Variants in CLRN2 observed in about 807,000 individuals in gnomAD.
The protein encoded by CLRN2 is clarin-2.
CLRN2 carries 17 observed loss-of-function variants against 20.1 expected under a neutral mutation model. The observed-to-expected ratio is 0.85, with a 90% CI of 0.58 to 1.27. The LOEUF (loss-of-function observed/expected upper bound fraction) is 1.27. Among genes scored for constraint, CLRN2 ranks in the 50% most tolerant of loss-of-function variants. CLRN2 has a pLI of 0.00. For missense variants in CLRN2, 288 were observed against 299.5 expected (o/e 0.96, Z 0.28); for synonymous variants, 140 against 126.9 (o/e 1.10, Z -0.70).
chr4:17,527,020 C>G lies in CLRN2; in HGVS notation c.637C>G (p.Leu213Val). The G allele has an allele frequency of 6.2e-7, 1 of 1,614,004 alleles. No individual in the cohort carries two copies. The highest frequency in any genetic ancestry group is 8.5e-7 in the Non-Finnish European group (1 of 1,179,902). The part of the protein sequence containing the change: ...LVVVAISQIP[L>V]PEIKTKIEEA... ...CGTGGTGGCGATCAGTCAAATTCCC[C>G]TCCCTGAGATTAAGACCAAAATCGA... The change falls in exon 3 of 3, where the codon CTC becomes GTC. Residue 213 changes from leucine to valine, a missense_variant. By Grantham distance (32) the Leu-to-Val change is conservative. Coordinates refer to ENST00000511148, the MANE Select transcript of CLRN2 (RefSeq NM_001079827.2).
chr4:17,518,244 G>A (rs4698603), intron 1 of CLRN2, among the ~76,000 whole-genome samples: 35,325 of 152,014 alleles, frequency 0.23, 4,662 homozygotes, highest in East Asian at 0.34. Context: ...CAATCATGGA[G>A]AAAACCAAAG....
At chr4:17,524,444 A>G (rs1400886980) in intron 2 of CLRN2, among the ~76,000 whole-genome samples, 2 of 152,108 alleles carry the variant, frequency 1.3e-5, no homozygotes, top group East Asian at 3.9e-4. Context: ...AAAACAGGTA[A>G]TGTTATTTTA....
At chr4:17,523,590 G>T (rs899053443) in intron 2 of CLRN2, among the ~76,000 whole-genome samples, 1 of 151,826 alleles carries the variant, frequency 6.6e-6, no homozygotes, top group Non-Finnish European at 1.5e-5. Flanking sequence ...CGAGGTGAAA[G>T]AAGAAGCCAG....
chr4:17,526,358 G>A (rs185000050), intron 2 of CLRN2, among the ~76,000 whole-genome samples: 63 of 152,250 alleles, frequency 4.1e-4, no homozygotes, highest in East Asian at 1.5e-3. Context: ...TGAGGAGTTC[G>A]AGACCAGCCT....
Position 17,522,903 on chromosome 4 carries a change from A to C in CLRN2, c.293A>C (p.His98Pro). The change falls in exon 2 of 3, where the codon CAT (histidine) becomes CCT (proline). Residue 98 changes from histidine (H) to proline (P), a missense_variant. His to Pro is a moderately conservative substitution (Grantham distance 77, BLOSUM62 -2). Transcript: ENST00000511148. ...GTGAAGGAGCTCAACGCAGGCCTTC[A>C]TGTGATGATTCTGCTGCTCCTCTTC... ...HLVKELNAGL[H>P]VMILLLLFLA... 1.9e-6 allele frequency: 3 copies of C among 1,613,968 alleles called. No homozygotes were observed. The highest frequency in any genetic ancestry group is 2.5e-6 in the Non-Finnish European group (3 of 1,179,876).
intron 1 of CLRN2, among the ~76,000 whole-genome samples, chr4:17,516,907 T>C (rs1577199886): frequency 6.6e-6 from 1 of 152,170 alleles, no homozygotes. Context: ...GGCAGATTAA[T>C]AGGGAAAATG....
chr4:17,518,190 A>T (rs1183227176), intron 1 of CLRN2, among the ~76,000 whole-genome samples: 3 of 152,198 alleles, frequency 2.0e-5, no homozygotes, highest in African/African-American at 7.2e-5. Flanking sequence ...TTCTCATCAC[A>T]GAGGCCTCCC....
At chr4:17,522,745 A>G (rs1165603518) in intron 1 of CLRN2, 119 bp from the exon 2 acceptor site, 1 of 993,002 alleles carries the variant, frequency 1.0e-6, no homozygotes, top group Non-Finnish European at 1.5e-6. Flanking sequence ...TGAAATCCCC[A>G]CGCTTGCTGT....
chr4:17,524,553 C>A (rs575265064), intron 2 of CLRN2, among the ~76,000 whole-genome samples: 20 of 152,088 alleles, frequency 1.3e-4, no homozygotes, highest in Non-Finnish European at 2.4e-4. Flanking sequence ...ACATGGCTTA[C>A]CCTCATCAAG....
At chr4:17,519,593 G>A (rs1488830458) in intron 1 of CLRN2, among the ~76,000 whole-genome samples, 2 of 138,708 alleles carry the variant, frequency 1.4e-5, no homozygotes, top group African/African-American at 5.6e-5. Context: ...ATAGGTGGCT[G>A]TTGTCATTTA....
intron 2 of CLRN2, among the ~76,000 whole-genome samples, 184 bp downstream of exon 2, chr4:17,523,227 T>C (rs1198426695): frequency 1.3e-5 from 2 of 151,362 alleles, no homozygotes; most frequent in African/African-American, 2.4e-5. Context: ...TTTTTTTTTT[T>C]TCTTTGAGAC....
At chr4:17,526,701 T>C in intron 2 of CLRN2, 116 bp from the exon 3 acceptor site, 2 of 1,186,046 alleles carry the variant, frequency 1.7e-6, no homozygotes, top group Middle Eastern at 2.9e-4. Flanking sequence ...AAAACTTATG[T>C]CTTCCTCATA....
rs768302312 is a variant in CLRN2 at position 17,523,030 on chromosome 4, G to A, written c.420G>A (p.Trp140Ter). The A allele has an allele frequency of 6.2e-7, 1 of 1,612,568 alleles. No homozygotes were observed. The highest frequency in any genetic ancestry group is 8.5e-7 in the Non-Finnish European group (1 of 1,179,528). The change falls in exon 2 of 3, where the codon TGG becomes TGA. Residue 140 changes from tryptophan (W) to a stop codon, truncating the protein, a stop_gained. Transcript: ENST00000511148. LOFTEE classifies it high-confidence loss of function. ...GCGGTCCTGGGGGCATCTGCCTATG[G>A]AATGTCCTGGCAGGTAAGAAGTCCC... ...AVSGPGGICLWNVLAGGVVAL... is the reference protein window; with the variant it reads ...AVSGPGGICL
intron 1 of CLRN2, 69 bp from the exon 2 acceptor site, chr4:17,522,795 C>A (rs970890223): frequency 1.0e-5 from 16 of 1,532,860 alleles, no homozygotes; most frequent in African/African-American, 8.2e-5. Context: ...TCGTGGTAAG[C>A]AAGCTTGGAC....
chr4:17,523,677 C>G (rs571029638), intron 2 of CLRN2, among the ~76,000 whole-genome samples: 2 of 151,218 alleles, frequency 1.3e-5, no homozygotes, highest in East Asian at 3.9e-4. Flanking sequence ...GCAGCTAAGG[C>G]TGGGAGGAAC....
chr4:17,516,003 A>G lies in CLRN2; in HGVS notation c.253+484A>G, dbSNP rs531408132. ...CAGACCCATGCCACATGACCACAAC[A>G]AGTGGGTGGAGGCTGCCTGCAGAAC... On this transcript the variant is annotated intron_variant, in intron 1 of 2. Coordinates refer to ENST00000511148, the MANE Select transcript of CLRN2 (RefSeq NM_001079827.2). Among the ~76,000 whole-genome samples the G allele has an allele frequency of 1.5e-3, 231 of 152,292 alleles. 1 individual carries two copies. The highest frequency in any genetic ancestry group is 7.9e-3 in the South Asian group (38 of 4,822).
rs1203647583 is a variant in CLRN2, at chr4:17,515,524, G to A, written c.253+5G>A. 2.5e-6 allele frequency: 4 copies of A among 1,612,592 alleles called. No homozygotes were observed. The highest frequency in any genetic ancestry group is 3.4e-6 in the Non-Finnish European group (4 of 1,178,900). On this transcript the variant is annotated splice_donor_5th_base_variant and intron_variant, in intron 1 of 2. Coordinates refer to ENST00000511148, the MANE Select transcript of CLRN2 (RefSeq NM_001079827.2). ...GCCGCCAATCCCAATTCACGAGTGA[G>A]TATATTGGGAGCATGAAAGCTGATT...
intron 1 of CLRN2, among the ~76,000 whole-genome samples, chr4:17,521,927 C>T (rs1054339886): frequency 1.3e-5 from 2 of 152,224 alleles, no homozygotes; most frequent in Non-Finnish European, 2.9e-5. Flanking sequence ...AGTAAATGGC[C>T]ACTTGGCCCT....
At position 17,523,047 on chromosome 4, in the gene CLRN2, A is replaced by G. The variant is rs772749721; in HGVS notation, c.433+4A>G. On this transcript the variant is annotated splice_donor_region_variant and intron_variant, in intron 2 of 2. Transcript: ENST00000511148. ...TGCCTATGGAATGTCCTGGCAGGTA[A>G]GAAGTCCCTTAGGGAGAGAAAATTA... is the stretch of plus-strand genomic sequence containing the variant. 1 of 1,610,210 alleles carries G rather than the reference A, an allele frequency of 6.2e-7. No homozygotes were observed. Among genetic ancestry groups the G allele is most frequent in the Admixed American group, 1.7e-5 (1 of 59,870 alleles).
Sources: gnomAD v4.1 joint callset for allele counts (sites outside exome capture counted in the v4.1 genomes callset) on GRCh38, gnomAD v4.1.1 for gene constraint, MANE v1.5 for transcripts, NCBI Gene and HGNC (gene_info 2026-07-23, HGNC 2026-07-21) for gene names.